Variants in ZFHX3 observed in about 807,000 individuals in gnomAD.
ZFHX3 encodes the protein zinc finger homeobox protein 3.
A neutral mutation model predicts 279.1 loss-of-function variants in ZFHX3; 42 were observed. The observed-to-expected ratio is 0.15, with a 90% CI of 0.12 to 0.19. The LOEUF (loss-of-function observed/expected upper bound fraction) is 0.19, where lower values mean the gene tolerates loss of function less well. ZFHX3 is among the 10% of genes least tolerant of loss of function. The pLI, the probability that ZFHX3 is intolerant of heterozygous loss-of-function variation, is 1.00. For synonymous variants in ZFHX3, 2,293 were observed against 1,957.8 expected (o/e 1.17, Z -4.52); for missense variants, 4,981 against 4,754.0 (o/e 1.05, Z -1.40).
intron 3 of ZFHX3, among the ~76,000 whole-genome samples, chr16:72,904,776 G>GC (rs772551987): frequency 1.4e-5 from 1 of 70,852 alleles, no homozygotes; most frequent in Non-Finnish European, 3.1e-5. Flanking sequence ...CCTTGCCTGT[G>GC]GGGGGGGTCC....
intron 3 of ZFHX3, among the ~76,000 whole-genome samples, chr16:73,399,279 T>C (rs1163110658): frequency 6.6e-6 from 1 of 152,068 alleles, no homozygotes; most frequent in African/African-American, 2.4e-5. Context: ...GGTAGAATAT[T>C]CTCTATACTA....
chr16:73,343,766 T>C (rs2016077851), intron 3 of ZFHX3, among the ~76,000 whole-genome samples: 2 of 152,192 alleles, frequency 1.3e-5, no homozygotes, highest in Non-Finnish European at 2.9e-5. Context: ...AGGGCTCCTG[T>C]TGTCCAACTC....
chr16:73,645,526 G>A (rs1211774480), intron 2 of ZFHX3, among the ~76,000 whole-genome samples: 1 of 152,126 alleles, frequency 6.6e-6, no homozygotes, highest in African/African-American at 2.4e-5. Flanking sequence ...AAAGTGTAAA[G>A]GACCATCTTT....
At chr16:73,473,350 A>AC (rs1567494401) in intron 2 of ZFHX3, among the ~76,000 whole-genome samples, 9 of 51,278 alleles carry the variant, frequency 1.8e-4, no homozygotes, top group Non-Finnish European at 3.5e-4. Context: ...AAAAAAAAAA[A>AC]AAAAAAACAA....
chr16:73,543,885 G>GGGGAGAGAGA (rs1555523939), intron 2 of ZFHX3: 6 of 136,510 alleles, frequency 4.4e-5, no homozygotes, highest in Admixed American at 1.4e-4. Flanking sequence ...AGCGAGAGAG[G>GGGGAGAGAGA]GAGAGAGAGA....
intron 7 of ZFHX3, among the ~76,000 whole-genome samples, chr16:73,104,042 A>G (rs2144790395): frequency 6.6e-6 from 1 of 152,196 alleles, no homozygotes; most frequent in African/African-American, 2.4e-5. Flanking sequence ...GAACTGGCCA[A>G]GTATCTTTGG....
At position 72,938,110 on chromosome 16, in the gene ZFHX3, A is replaced by C. The variant is rs548996905; in HGVS notation, c.3216+12359T>G. On this transcript the variant is annotated intron_variant, in intron 3 of 9. Coordinates refer to ENST00000268489, the MANE Select transcript of ZFHX3 (RefSeq NM_006885.4). ...ATGACGCAGAGACCAGCGTGGTGCCAAACAGTGTGACACCCGTGTGGGGCA... is the reference window on the plus strand; with the variant it reads ...ATGACGCAGAGACCAGCGTGGTGCCCAACAGTGTGACACCCGTGTGGGGCA... 5.2e-5 allele frequency among the ~76,000 whole-genome samples: 8 copies of C among 152,382 alleles called. No homozygotes were observed. The South Asian group carries it at 1.7e-3, about 32-fold the overall frequency.
intron 2 of ZFHX3, among the ~76,000 whole-genome samples, chr16:73,672,949 T>C (rs1480567): frequency 0.22 from 33,097 of 152,008 alleles, 3,699 homozygotes; most frequent in South Asian, 0.24. Flanking sequence ...AGGCCTATTA[T>C]ACAGCAGTGG....
At chr16:73,427,835 C>T (rs1056306034) in intron 3 of ZFHX3, among the ~76,000 whole-genome samples, 10 of 151,770 alleles carry the variant, frequency 6.6e-5, no homozygotes, top group African/African-American at 2.2e-4. Context: ...CCCAGCTACT[C>T]GGGAGGCTGA....
At chr16:72,822,762 G>A (rs886535568) in intron 5 of ZFHX3, among the ~76,000 whole-genome samples, 3 of 142,560 alleles carry the variant, frequency 2.1e-5, no homozygotes, top group Admixed American at 2.1e-4. Flanking sequence ...TGTCATAATT[G>A]TGATTACATA....
intron 2 of ZFHX3, among the ~76,000 whole-genome samples, chr16:73,592,801 GA>G (rs1443354549): frequency 6.6e-6 from 1 of 151,130 alleles, no homozygotes; most frequent in Non-Finnish European, 1.5e-5. Flanking sequence ...AATGGAAATT[GA>G]AAAAAACGCA....
chr16:73,105,406 T>TACACACACAC (rs1567389833), intron 7 of ZFHX3, among the ~76,000 whole-genome samples: 1 of 131,698 alleles, frequency 7.6e-6, no homozygotes, highest in Non-Finnish European at 1.6e-5. Flanking sequence ...TATATATATA[T>TACACACACAC]ATACACACAC....
intron 4 of ZFHX3, among the ~76,000 whole-genome samples, chr16:72,837,474 A>ATTTTTTTT (rs761762599): frequency 8.0e-6 from 1 of 125,184 alleles, no homozygotes. Flanking sequence ...TCCAATGATG[A>ATTTTTTTT]TTTTTTTTTT....
intron 2 of ZFHX3, among the ~76,000 whole-genome samples, chr16:73,563,286 G>A (rs1297206053): frequency 2.0e-5 from 3 of 150,022 alleles, no homozygotes; most frequent in Non-Finnish European, 4.4e-5. Context: ...CACCCGGGCT[G>A]GAGCGCATTG....
intron 7 of ZFHX3, among the ~76,000 whole-genome samples, chr16:73,105,444 C>T (rs57468459): frequency 0.64 from 79,205 of 124,658 alleles, 24,933 homozygotes; most frequent in African/African-American, 0.77. Context: ...CACACACACA[C>T]ATATATATAT....
chr16:73,689,486 T>C (rs1226530753), intron 1 of ZFHX3, among the ~76,000 whole-genome samples: 1 of 152,162 alleles, frequency 6.6e-6, no homozygotes, highest in Non-Finnish European at 1.5e-5. Context: ...CCAGGCTCCA[T>C]TCAGGTGCTT....
At chr16:73,649,020 A>G (rs2052646537) in intron 2 of ZFHX3, among the ~76,000 whole-genome samples, 1 of 152,214 alleles carries the variant, frequency 6.6e-6, no homozygotes, top group South Asian at 2.1e-4. Context: ...ATCATTTTCA[A>G]TATTACATGC....
At chr16:73,018,676 C>T (rs1354337464) in intron 1 of ZFHX3, among the ~76,000 whole-genome samples, 4 of 152,078 alleles carry the variant, frequency 2.6e-5, no homozygotes, top group Middle Eastern at 3.4e-3. Context: ...GGGGATTCAC[C>T]CCAGGCTTGG....
chr16:73,574,689 A>C (rs1041849844), intron 2 of ZFHX3, among the ~76,000 whole-genome samples: 3 of 151,972 alleles, frequency 2.0e-5, no homozygotes, highest in Non-Finnish European at 4.4e-5. Flanking sequence ...GCAGGTCTTC[A>C]TCACCTCTGT....
Sources: gnomAD v4.1 joint callset for allele counts (sites outside exome capture counted in the v4.1 genomes callset) on GRCh38, gnomAD v4.1.1 for gene constraint, MANE v1.5 for transcripts, NCBI Gene and HGNC (gene_info 2026-07-23, HGNC 2026-07-21) for gene names.